The following EXT2 variants were observed in gnomAD, a reference collection of about 807,000 sequenced individuals.
EXT2 encodes exostosin glycosyltransferase 2.
In EXT2, 53 loss-of-function variants were observed where a neutral mutation model predicts 81.6. The ratio of observed to expected loss-of-function variants is 0.65; its 90% confidence interval spans 0.52 to 0.82. The LOEUF (loss-of-function observed/expected upper bound fraction) is 0.82. Ranked by LOEUF, EXT2 falls within the 40% of genes least tolerant of loss-of-function variation. The probability of loss-of-function intolerance (pLI) is 0.00; values close to 1 mark genes in which losing one functional copy is unlikely to be tolerated. For missense variants in EXT2, 774 were observed against 910.2 expected, an observed-to-expected ratio of 0.85 and a Z score of 1.93; for synonymous variants, 320 against 340.0, an observed-to-expected ratio of 0.94 and a Z score of 0.65.
intron 10 of EXT2, among the ~76,000 whole-genome samples, chr11:44,211,449 A>G (rs1366353034): frequency 6.6e-6 from 1 of 152,242 alleles, no homozygotes; most frequent in Non-Finnish European, 1.5e-5. Flanking sequence ...TTCAGCTTGA[A>G]AAAAGAATGA....
Position 44,249,291 on chromosome 11 carries a change from C to G in EXT2, c.*5004C>G, listed in dbSNP as rs1956121512. Among the ~76,000 whole-genome samples, 1 of 152,200 alleles carries G rather than the reference C, an allele frequency of 6.6e-6. No individual in the cohort carries two copies. Among genetic ancestry groups the G allele is most frequent in the Non-Finnish European group, 1.5e-5 (1 of 68,040 alleles). On this transcript the variant is annotated 3_prime_UTR_variant, in exon 14 of 14. Coordinates refer to ENST00000533608, the MANE Select transcript of EXT2 (RefSeq NM_207122.2). ...GGGATTACAGGTGTGAACCACCATGCCTGGCCCAGGATAGCACTTTTTCCT... is the reference window on the plus strand; with the variant it reads ...GGGATTACAGGTGTGAACCACCATGGCTGGCCCAGGATAGCACTTTTTCCT...
intron 9 of EXT2, 149 bp downstream of exon 9, chr11:44,198,167 T>C: frequency 2.4e-6 from 2 of 840,656 alleles, no homozygotes; most frequent in Non-Finnish European, 3.8e-6. Context: ...CATCTCATTC[T>C]TGTTCTAGGG....
At chr11:44,130,898 C>G (rs1389344495) in intron 7 of EXT2, among the ~76,000 whole-genome samples, 1 of 152,222 alleles carries the variant, frequency 6.6e-6, no homozygotes, top group Non-Finnish European at 1.5e-5. Context: ...CATGCCACCC[C>G]CTGCTGTTAG....
rs1954409414 is a variant in EXT2, at chr11:44,126,684, G to C, written c.940-132G>C. 28 of 1,061,018 alleles carry C rather than the reference G, an allele frequency of 2.6e-5. No homozygotes were observed. In the South Asian group the frequency reaches 3.6e-4, roughly 14 times the overall value. The allele number at this position is 1,061,018 out of a possible 1,614,324, so 65.7% of individuals were successfully genotyped here. ...TTACAGGTGTGAGCTGTTGTCTTTT[G>C]GCATTTTTGTGTCAAGATGCCTCAG... On this transcript the variant is annotated intron_variant, in intron 5 of 13. Coordinates refer to ENST00000533608, the MANE Select transcript of EXT2 (RefSeq NM_207122.2).
intron 13 of EXT2, among the ~76,000 whole-genome samples, chr11:44,240,112 C>G (rs1364991194): frequency 6.6e-6 from 1 of 152,076 alleles, no homozygotes; most frequent in Non-Finnish European, 1.5e-5. Flanking sequence ...TTCCAGATAT[C>G]TTTGATCCAA....
chr11:44,219,682 TC>T (rs1955761716), intron 10 of EXT2, among the ~76,000 whole-genome samples: 1 of 152,176 alleles, frequency 6.6e-6, no homozygotes, highest in African/African-American at 2.4e-5. Context: ...GAAGGGTTTT[TC>T]TTTATGGCAC....
intron 8 of EXT2, among the ~76,000 whole-genome samples, chr11:44,174,911 C>T (rs1955137216): frequency 6.6e-6 from 1 of 152,068 alleles, no homozygotes; most frequent in Non-Finnish European, 1.5e-5. Flanking sequence ...TTCAGTGTGG[C>T]AACAGTGAAG....
intron 8 of EXT2, among the ~76,000 whole-genome samples, chr11:44,181,115 T>C (rs918501746): frequency 6.6e-6 from 1 of 151,824 alleles, no homozygotes. Context: ...AAAAAAAAAG[T>C]TTTTTATTCT....
At position 44,108,512 on chromosome 11, in the gene EXT2, G is replaced by A. The variant is rs374740955; in HGVS notation, c.536+264G>A. Reference sequence around the variant, plus strand: ...GCCTCTTAGAGTTTCCAAACTAAGCGTGGCTCTTCTTCATTTATTCTTCCT... The same window carrying A: ...GCCTCTTAGAGTTTCCAAACTAAGCATGGCTCTTCTTCATTTATTCTTCCT... On this transcript the variant is annotated intron_variant, in intron 2 of 13. Transcript: ENST00000533608. 7.2e-5 allele frequency among the ~76,000 whole-genome samples: 11 copies of A among 152,314 alleles called. No homozygotes were observed. In the East Asian group the frequency reaches 7.7e-4, roughly 11 times the overall value.
chr11:44,219,048 G>A (rs1368398255), intron 10 of EXT2, among the ~76,000 whole-genome samples: 2 of 151,898 alleles, frequency 1.3e-5, no homozygotes, highest in African/African-American at 2.4e-5. Flanking sequence ...TGATCTGCCC[G>A]CCTCGGCCTC....
At chr11:44,187,755 G>C (rs77552650) in intron 8 of EXT2, among the ~76,000 whole-genome samples, 2 of 152,082 alleles carry the variant, frequency 1.3e-5, no homozygotes, top group Non-Finnish European at 2.9e-5. Flanking sequence ...ACAAAAGGTA[G>C]CATTCCGTTA....
intron 10 of EXT2, among the ~76,000 whole-genome samples, chr11:44,222,807 T>C (rs1955796131): frequency 6.6e-6 from 1 of 150,768 alleles, no homozygotes; most frequent in South Asian, 2.1e-4. Context: ...GTAAAACTTT[T>C]GCTCTGTCAA....
At chr11:44,173,857 G>A (rs1053727428) in intron 8 of EXT2, among the ~76,000 whole-genome samples, 39 of 152,096 alleles carry the variant, frequency 2.6e-4, no homozygotes, top group African/African-American at 8.2e-4. Context: ...GTGAGCCACC[G>A]CGCCCGGCCT....
In EXT2 at chr11:44,158,555, TTTAA is replaced by T. The variant is rs571362516; in HGVS notation, c.1174-13051_1174-13048del. On this transcript the variant is annotated intron_variant, in intron 7 of 13. Transcript: ENST00000533608. ...TTAATTTTTAATAAATTAATTTAAT[TTTAA>T]TTAAATTAATTAATTTTAATAAATT... is the stretch of plus-strand genomic sequence containing the variant. Among the ~76,000 whole-genome samples, 395 of 150,954 alleles carry T rather than the reference TTTAA, an allele frequency of 2.6e-3. 1 individual carries two copies. Among genetic ancestry groups the T allele is most frequent in the Non-Finnish European group, 4.3e-3 (290 of 67,686 alleles).
intron 8 of EXT2, among the ~76,000 whole-genome samples, chr11:44,173,600 G>A (rs1276346692): frequency 1.7e-5 from 2 of 118,438 alleles, no homozygotes; most frequent in Admixed American, 1.2e-4. Context: ...ATGGAGTCTC[G>A]CTCTGTCGCC....
intron 8 of EXT2, among the ~76,000 whole-genome samples, chr11:44,173,894 G>C (rs996968211): frequency 6.6e-6 from 1 of 151,992 alleles, no homozygotes; most frequent in African/African-American, 2.4e-5. Flanking sequence ...ACAGTAACAA[G>C]GGGCATACTT....
chr11:44,198,122 C>A, intron 9 of EXT2, 104 bp downstream of exon 9: 3 of 1,160,476 alleles, frequency 2.6e-6, no homozygotes, highest in East Asian at 2.5e-5. Context: ...ATAGCAATAC[C>A]ATTTCTGAGA....
intron 9 of EXT2, among the ~76,000 whole-genome samples, chr11:44,205,441 A>C (rs894455485): frequency 3.3e-5 from 5 of 152,344 alleles, no homozygotes; most frequent in Non-Finnish European, 7.3e-5. Context: ...ATGAAAAGGC[A>C]GTGGCCTATA....
chr11:44,105,661 T>A (rs1464934633), intron 1 of EXT2, among the ~76,000 whole-genome samples: 1 of 152,212 alleles, frequency 6.6e-6, no homozygotes, highest in African/African-American at 2.4e-5. Context: ...ATGGTAAGTA[T>A]GTGGCAGATG....
Sources: allele counts gnomAD v4.1 joint callset (sites outside exome capture counted in the v4.1 genomes callset), GRCh38; gene constraint gnomAD v4.1.1; transcripts MANE v1.5; gene names NCBI Gene and HGNC (gene_info 2026-07-23, HGNC 2026-07-21).